ADAM23: variants seen among roughly 807,000 people sequenced by gnomAD.
ADAM23 encodes the protein ADAM metallopeptidase domain 23, also known as disintegrin and metalloproteinase domain-containing protein 23.
Under a neutral mutation model 120.1 loss-of-function variants are expected in ADAM23, and 33 were observed. The ratio of observed to expected loss-of-function variants is 0.27; its 90% confidence interval spans 0.21 to 0.37. The LOEUF is 0.37. Ranked by LOEUF, ADAM23 falls within the 10% of genes least tolerant of loss-of-function variation. The pLI is 1.00. For synonymous variants in ADAM23, 367 were observed against 375.2 expected, an observed-to-expected ratio of 0.98 and a Z score of 0.25; for missense variants, 862 against 1,058.2, an observed-to-expected ratio of 0.81 and a Z score of 2.57.
At chr2:206,573,216 G>C (rs746591384) in intron 18 of ADAM23, 21 bp downstream of exon 18, 2 of 1,608,750 alleles carry the variant, frequency 1.2e-6, no homozygotes, top group South Asian at 2.2e-5. Flanking sequence ...CTGAGTTTTT[G>C]GTAATACATT....
chr2:206,609,790 A>T, intron 24 of ADAM23, 120 bp from the exon 25 acceptor site: 1 of 748,978 alleles, frequency 1.3e-6, no homozygotes, highest in Non-Finnish European at 2.1e-6. Flanking sequence ...AAGGCAATTT[A>T]AATGTTTAGC....
intron 25 of ADAM23, among the ~76,000 whole-genome samples, chr2:206,612,174 C>T (rs974738956): frequency 1.3e-5 from 2 of 152,094 alleles, no homozygotes; most frequent in African/African-American, 2.4e-5. Flanking sequence ...TACATGAGGA[C>T]CTTAATTTGC....
In ADAM23 at chr2:206,481,186, A is replaced by G. The variant is rs1203893364; in HGVS notation, c.433-46A>G. On this transcript the variant is annotated intron_variant, in intron 2 of 25. Transcript: ENST00000264377. ...CATTCTTGATAATAATCTGTCTTAA[A>G]GACAGGAAAGTAAGTTAAGGTTCTT... The G allele has an allele frequency of 1.2e-5, 18 of 1,467,598 alleles. No homozygotes were observed. In the South Asian group the frequency reaches 2.1e-4, roughly 17 times the overall value. 90.9% of individuals were successfully genotyped at this position (1,467,598 alleles called of 1,614,324 possible).
intron 3 of ADAM23, among the ~76,000 whole-genome samples, chr2:206,513,315 C>G (rs1696664134): frequency 6.6e-6 from 1 of 152,130 alleles, no homozygotes; most frequent in Non-Finnish European, 1.5e-5. Flanking sequence ...ATGTGCTATT[C>G]CAGTGAACAC....
chr2:206,458,753 A>C (rs1559215962), intron 2 of ADAM23, among the ~76,000 whole-genome samples: 2 of 152,296 alleles, frequency 1.3e-5, no homozygotes, highest in African/African-American at 4.8e-5. Context: ...GATGTATTCC[A>C]ATTAGACATC....
At chr2:206,518,870 C>G (rs1050855841) in intron 3 of ADAM23, among the ~76,000 whole-genome samples, 2 of 152,038 alleles carry the variant, frequency 1.3e-5, no homozygotes, top group African/African-American at 4.8e-5. Context: ...TGAAGTCATC[C>G]CAGTATGCAA....
intron 13 of ADAM23, among the ~76,000 whole-genome samples, chr2:206,564,678 T>G (rs1019203151): frequency 6.6e-6 from 1 of 152,222 alleles, no homozygotes; most frequent in Non-Finnish European, 1.5e-5. Flanking sequence ...TGACAGATCT[T>G]GGACTAGAAC....
In ADAM23 at chr2:206,594,786, G is replaced by T; in HGVS notation, c.2128G>T (p.Asp710Tyr). ...DDDTDVGYVE[D>Y]GTPCGPSMMC... ...TGATACGGATGTGGGCTATGTAGAA[G>T]ATGGAACGCCATGTGGCCCGTCTAT... is the stretch of plus-strand genomic sequence containing the variant. The change falls in exon 23 of 26, where the codon GAT (aspartate) becomes TAT (tyrosine). Residue 710 changes from aspartate to tyrosine, a missense_variant. This residue lies in a region of ADAM23 where 617 missense variants were observed against 813.5 expected (regional missense o/e 0.76). Transcript: ENST00000264377. The T allele has an allele frequency of 6.2e-7, 1 of 1,614,210 alleles. No homozygotes were observed. The highest frequency in any genetic ancestry group is 8.5e-7 in the Non-Finnish European group (1 of 1,180,030).
chr2:206,444,089 G>T lies in ADAM23; in HGVS notation c.214+9G>T. On this transcript the variant is annotated intron_variant, in intron 1 of 25. Coordinates refer to ENST00000264377, the MANE Select transcript of ADAM23 (RefSeq NM_003812.4). Reference sequence around the variant, plus strand: ...GGCTGCTGCGCCCAGCGGTGGGTATGGCCCCGTGCCCTTTGCGTTGGCTTT... The same window carrying T: ...GGCTGCTGCGCCCAGCGGTGGGTATTGCCCCGTGCCCTTTGCGTTGGCTTT... 7.5e-7 allele frequency: 1 copy of T among 1,325,364 alleles called. No individual in the cohort carries two copies. Among genetic ancestry groups the T allele is most frequent in the Non-Finnish European group, 9.6e-7 (1 of 1,038,820 alleles). The allele number at this position is 1,325,364 out of a possible 1,614,324, so 82.1% of individuals were successfully genotyped here.
chr2:206,504,130 T>C (rs1253024333), intron 3 of ADAM23, among the ~76,000 whole-genome samples: 1 of 152,186 alleles, frequency 6.6e-6, no homozygotes, highest in African/African-American at 2.4e-5. Flanking sequence ...TTTCTTGATA[T>C]AATCTTTATA....
intron 4 of ADAM23, among the ~76,000 whole-genome samples, chr2:206,536,392 C>T (rs557317472): frequency 6.6e-6 from 1 of 151,520 alleles, no homozygotes; most frequent in South Asian, 2.1e-4. Context: ...TACTTTTGCA[C>T]CAACCTTATA....
At chr2:206,460,251 A>G (rs1695388499) in intron 2 of ADAM23, among the ~76,000 whole-genome samples, 1 of 152,182 alleles carries the variant, frequency 6.6e-6, no homozygotes, top group Admixed American at 6.5e-5. Flanking sequence ...TGAGATATAA[A>G]AAGTTGGGCG....
At chr2:206,524,804 A>G (rs183977038) in intron 3 of ADAM23, among the ~76,000 whole-genome samples, 1 of 152,332 alleles carries the variant, frequency 6.6e-6, no homozygotes, top group East Asian at 1.9e-4. Flanking sequence ...GGGAGCTACA[A>G]TTCAAGATGA....
intron 3 of ADAM23, among the ~76,000 whole-genome samples, chr2:206,505,599 C>T (rs554549672): frequency 6.6e-6 from 1 of 152,212 alleles, no homozygotes; most frequent in South Asian, 2.1e-4. Flanking sequence ...GTTCCACACA[C>T]TTTTAAACAA....
intron 2 of ADAM23, among the ~76,000 whole-genome samples, chr2:206,462,142 G>A (rs1033035580): frequency 1.1e-4 from 17 of 152,128 alleles, no homozygotes; most frequent in Admixed American, 4.6e-4. Context: ...GGAGCCTAGA[G>A]CAAAGGAATG....
At chr2:206,592,444 C>G (rs1018279416) in intron 21 of ADAM23, among the ~76,000 whole-genome samples, 173 bp from the exon 22 acceptor site, 2 of 152,110 alleles carry the variant, frequency 1.3e-5, no homozygotes, top group African/African-American at 4.8e-5. Flanking sequence ...AACTGTGATC[C>G]TCTTAGCAAA....
chr2:206,530,915 T>G lies in ADAM23; in HGVS notation c.540T>G (p.Ile180Met). The G allele has an allele frequency of 1.2e-6, 2 of 1,613,902 alleles. No individual in the cohort carries two copies. The highest frequency in any genetic ancestry group is 1.7e-6 in the Non-Finnish European group (2 of 1,179,930). The change falls in exon 4 of 26, where the codon ATT (isoleucine) becomes ATG (methionine). Residue 180 changes from isoleucine (I) to methionine (M), a missense_variant. This residue lies in a region of ADAM23 where 617 missense variants were observed against 813.5 expected (regional missense o/e 0.76). Transcript: ENST00000264377. ...TGTTGTCTTCTGATTATGTGGAGAT[T>G]CACTACGAAAATGGGAAACCACAGT... ...NGLLSSDYVE[I>M]HYENGKPQYS...
At chr2:206,525,575 T>TTTTG (rs909608760) in intron 3 of ADAM23, among the ~76,000 whole-genome samples, 13 of 152,114 alleles carry the variant, frequency 8.5e-5, no homozygotes, top group South Asian at 2.1e-4. Flanking sequence ...AGAAGCATAT[T>TTTTG]TTTGTTTGTT....
chr2:206,613,259 A>G (rs2105867243), intron 25 of ADAM23, among the ~76,000 whole-genome samples: 1 of 152,198 alleles, frequency 6.6e-6, no homozygotes, highest in Non-Finnish European at 1.5e-5. Context: ...GGGTTTCTCC[A>G]CGTTGGCCAG....
Sources: allele counts gnomAD v4.1 joint callset (sites outside exome capture counted in the v4.1 genomes callset), GRCh38; gene constraint gnomAD v4.1.1; regional missense constraint gnomAD v4.1.1; transcripts MANE v1.5; gene names NCBI Gene and HGNC (gene_info 2026-07-23, HGNC 2026-07-21).